FHIT: variants seen among roughly 807,000 people sequenced by gnomAD.
FHIT encodes fragile histidine triad diadenosine triphosphatase, also known as bis(5'-adenosyl)-triphosphatase.
Under a neutral mutation model 17.9 loss-of-function variants are expected in FHIT, and 19 were observed. The ratio of observed to expected loss-of-function variants is 1.06; its 90% CI spans 0.74 to 1.56. The LOEUF is 1.56. Ranked by LOEUF, FHIT falls within the 40% of genes most tolerant of loss-of-function variation. The pLI, the probability that FHIT is intolerant of heterozygous loss-of-function variation, is 0.00. For missense variants in FHIT, 248 were observed against 189.2 expected (o/e 1.31, Z -1.82); for synonymous variants, 81 against 69.7 (o/e 1.16, Z -0.81).
intron 5 of FHIT, among the ~76,000 whole-genome samples, chr3:60,405,333 A>C (rs964122593): frequency 2.6e-5 from 4 of 152,062 alleles, no homozygotes; most frequent in African/African-American, 9.7e-5. Context: ...GCTTACTCAC[A>C]CACCACTCAG....
At chr3:60,814,577 T>C (rs1398908895) in intron 4 of FHIT, among the ~76,000 whole-genome samples, 2 of 152,184 alleles carry the variant, frequency 1.3e-5, no homozygotes, top group African/African-American at 4.8e-5. Context: ...ATGATATACA[T>C]GTACCAAATT....
At chr3:61,211,827 G>C (rs1036272824) in intron 1 of FHIT, among the ~76,000 whole-genome samples, 1 of 152,012 alleles carries the variant, frequency 6.6e-6, no homozygotes, top group Admixed American at 6.6e-5. Flanking sequence ...GGAACGATCA[G>C]ACAGCAGCAT....
chr3:60,177,473 G>C (rs1701732145), intron 5 of FHIT, among the ~76,000 whole-genome samples: 1 of 152,128 alleles, frequency 6.6e-6, no homozygotes, highest in Non-Finnish European at 1.5e-5. Flanking sequence ...TAAAAAACAA[G>C]TGAGGTAAAA....
intron 8 of FHIT, among the ~76,000 whole-genome samples, chr3:59,761,829 C>T (rs1218732383): frequency 6.6e-6 from 1 of 152,092 alleles, no homozygotes; most frequent in East Asian, 1.9e-4. Context: ...AACTCCTGAC[C>T]TCATGACCTG....
chr3:60,235,662 G>C (rs1022546718), intron 5 of FHIT, among the ~76,000 whole-genome samples: 1 of 152,162 alleles, frequency 6.6e-6, no homozygotes, highest in African/African-American at 2.4e-5. Context: ...ACAGTTACAT[G>C]ATCTCAATGG....
At chr3:59,808,408 C>G (rs913923043) in intron 8 of FHIT, among the ~76,000 whole-genome samples, 1 of 152,170 alleles carries the variant, frequency 6.6e-6, no homozygotes, top group African/African-American at 2.4e-5. Context: ...TGGAGGCCCT[C>G]TCTGACAAGC....
chr3:60,262,941 G>A (rs1311126836), intron 5 of FHIT, among the ~76,000 whole-genome samples: 2 of 151,702 alleles, frequency 1.3e-5, no homozygotes, highest in African/African-American at 4.8e-5. Flanking sequence ...CCAAGTCACA[G>A]ACTAGAAGAA....
intron 1 of FHIT, among the ~76,000 whole-genome samples, chr3:61,228,879 C>T (rs567936399): frequency 6.6e-6 from 1 of 152,206 alleles, no homozygotes; most frequent in African/African-American, 2.4e-5. Context: ...TTCCGTTTTA[C>T]TGAGCACTTC....
intron 7 of FHIT, among the ~76,000 whole-genome samples, chr3:60,006,888 A>C (rs1361628237): frequency 2.0e-5 from 3 of 152,198 alleles, no homozygotes; most frequent in African/African-American, 7.2e-5. Context: ...CAGTGAACAG[A>C]AGAGCTTCCT....
At chr3:60,958,163 A>G (rs1392318136) in intron 3 of FHIT, among the ~76,000 whole-genome samples, 1 of 152,210 alleles carries the variant, frequency 6.6e-6, no homozygotes, top group African/African-American at 2.4e-5. Context: ...ATTTAAGCTA[A>G]AAATCCTTCA....
rs112137493 is a variant in FHIT, at chr3:60,058,121, C to T, written c.104-43969G>A. On this transcript the variant is annotated intron_variant, in intron 5 of 9. Coordinates refer to ENST00000492590, the MANE Select transcript of FHIT (RefSeq NM_002012.4). ...ATAGGGAGTTATTGTATAATGAGTA[C>T]AGAGTTGTGTTTTTTTTTTTTTTTT... Among the ~76,000 whole-genome samples, 1,126 of 135,050 alleles carry T rather than the reference C, an allele frequency of 8.3e-3. 11 individuals are homozygous for T. Among genetic ancestry groups the T allele is most frequent in the African/African-American group, 0.029 (1,068 of 36,584 alleles). 88.6% of individuals were successfully genotyped at this position (135,050 alleles called of 152,430 possible). A position where few individuals can be genotyped will look rare whatever the true frequency, so the allele number is the denominator to read the frequency against.
At chr3:60,470,764 T>A (rs775142678) in intron 5 of FHIT, among the ~76,000 whole-genome samples, 12 of 152,036 alleles carry the variant, frequency 7.9e-5, no homozygotes, top group African/African-American at 1.2e-4. Flanking sequence ...TCCCTCTCTT[T>A]TCCTCAAGCA....
At chr3:60,694,597 A>G (rs1553700180) in intron 4 of FHIT, among the ~76,000 whole-genome samples, 1 of 152,200 alleles carries the variant, frequency 6.6e-6, no homozygotes, top group African/African-American at 2.4e-5. Context: ...TATTGCTGCT[A>G]TAAAGACACA....
chr3:60,035,969 G>C (rs982177643), intron 5 of FHIT, among the ~76,000 whole-genome samples: 4 of 152,134 alleles, frequency 2.6e-5, no homozygotes, highest in Non-Finnish European at 5.9e-5. Context: ...GATCAGCTCT[G>C]CCCATCTCTG....
chr3:60,900,257 T>A (rs184567512), intron 3 of FHIT, among the ~76,000 whole-genome samples: 12 of 151,940 alleles, frequency 7.9e-5, no homozygotes. Flanking sequence ...AAAATTTAAG[T>A]AGAACTAAAA....
At chr3:60,369,120 G>A (rs2107046187) in intron 5 of FHIT, among the ~76,000 whole-genome samples, 1 of 151,362 alleles carries the variant, frequency 6.6e-6, no homozygotes, top group South Asian at 2.1e-4. Flanking sequence ...TCACAGGTGT[G>A]CACCAACACG....
chr3:60,053,954 T>C lies in FHIT; in HGVS notation c.104-39802A>G, dbSNP rs988169347. 3.3e-5 allele frequency among the ~76,000 whole-genome samples: 5 copies of C among 152,330 alleles called. 1 individual carries two copies. In the South Asian group the frequency reaches 8.3e-4, roughly 25 times the overall value. On this transcript the variant is annotated intron_variant, in intron 5 of 9. Transcript: ENST00000492590. The stretch of plus-strand genomic sequence containing the variant: ...TCTATCCACAACCCTACTCAGAGTA[T>C]GCTTCAAATGTAAATCAGAAGCCAT...
At chr3:60,076,248 A>G (rs1703000829) in intron 5 of FHIT, among the ~76,000 whole-genome samples, 1 of 152,098 alleles carries the variant, frequency 6.6e-6, no homozygotes, top group Middle Eastern at 3.2e-3. Context: ...TTTAAAATGA[A>G]AGTGACTTCA....
intron 2 of FHIT, among the ~76,000 whole-genome samples, chr3:61,186,102 A>C (rs1337556836): frequency 6.6e-6 from 1 of 152,224 alleles, no homozygotes; most frequent in African/African-American, 2.4e-5. Flanking sequence ...ACTACTTCTT[A>C]AGCATCTGCT....
Sources: allele counts gnomAD v4.1 joint callset (sites outside exome capture counted in the v4.1 genomes callset), GRCh38; gene constraint gnomAD v4.1.1; transcripts MANE v1.5; gene names NCBI Gene and HGNC (gene_info 2026-07-23, HGNC 2026-07-21).